Variants in SORBS2 observed in about 807,000 individuals in gnomAD.
SORBS2 encodes sorbin and SH3 domain containing 2.
A neutral mutation model predicts 97.7 loss-of-function variants in SORBS2; 46 were observed. The ratio of observed to expected loss-of-function variants is 0.47; its 90% CI spans 0.37 to 0.60. SORBS2 has a LOEUF of 0.60. SORBS2 is among the 20% of genes least tolerant of loss of function. SORBS2 has a pLI of 0.00. For synonymous variants in SORBS2, 476 were observed against 473.4 expected (o/e 1.01, Z -0.07); for missense variants, 1,316 against 1,282.3 (o/e 1.03, Z -0.40).
chr4:185,858,062 T>C (rs953061694), intron 1 of SORBS2, among the ~76,000 whole-genome samples: 1 of 152,150 alleles, frequency 6.6e-6, no homozygotes. Context: ...TAATAAAAAC[T>C]CGCTGGTTTT....
At chr4:185,641,324 G>A (rs1232447341) in intron 4 of SORBS2, among the ~76,000 whole-genome samples, 2 of 152,100 alleles carry the variant, frequency 1.3e-5, no homozygotes, top group East Asian at 1.9e-4. Flanking sequence ...GGTAATTATC[G>A]ATAACTTTGG....
At chr4:185,745,334 G>T (rs997673113) in intron 2 of SORBS2, among the ~76,000 whole-genome samples, 1 of 152,130 alleles carries the variant, frequency 6.6e-6, no homozygotes, top group Non-Finnish European at 1.5e-5. Flanking sequence ...AGATTCTCCC[G>T]CAAGTAAGGA....
At chr4:185,787,759 T>C (rs999358211) in intron 1 of SORBS2, among the ~76,000 whole-genome samples, 3 of 152,222 alleles carry the variant, frequency 2.0e-5, no homozygotes, top group African/African-American at 4.8e-5. Context: ...GTTTCCCGTA[T>C]TGTTCCTACC....
intron 1 of SORBS2, among the ~76,000 whole-genome samples, chr4:185,866,456 C>T (rs1330331765): frequency 6.6e-6 from 1 of 152,214 alleles, no homozygotes; most frequent in East Asian, 1.9e-4. Context: ...ATGCATATTG[C>T]ACTTAATGCA....
At chr4:185,861,876 C>A (rs10023215) in intron 1 of SORBS2, among the ~76,000 whole-genome samples, 1 of 152,118 alleles carries the variant, frequency 6.6e-6, no homozygotes, top group Admixed American at 6.6e-5. Flanking sequence ...GGATTACAGG[C>A]GTGAGCCACT....
rs555058619 is a variant in SORBS2, at chr4:185,606,075, G to T, written c.2796+5705C>A. On this transcript the variant is annotated intron_variant, in intron 12 of 14. Transcript: ENST00000418609. This position sits in a 1 kb window ranked among gnomAD's most constrained non-coding sequence, Gnocchi z 4.3. ...GCTGTTTTTCTTTTCTGTTGTCTTT[G>T]TTTATTATTAGCATTATTATTTTTG... 2.7e-5 allele frequency: 27 copies of T among 984,720 alleles called. No individual in the cohort carries two copies. Among genetic ancestry groups the T allele is most frequent in the Non-Finnish European group, 3.3e-5 (27 of 829,492 alleles). 61.0% of individuals were successfully genotyped at this position (984,720 alleles called of 1,614,324 possible).
chr4:185,913,464 G>A (rs949811863), intron 1 of SORBS2, among the ~76,000 whole-genome samples: 6 of 152,154 alleles, frequency 3.9e-5, no homozygotes, highest in East Asian at 1.9e-4. Flanking sequence ...TGATTCTTTC[G>A]AGACGAGTCT....
chr4:185,659,998 C>A (rs978691346), upstream of SORBS2, among the ~76,000 whole-genome samples: 3 of 152,156 alleles, frequency 2.0e-5, no homozygotes, highest in Non-Finnish European at 2.9e-5. Flanking sequence ...GTCATCTTAG[C>A]AATCTTTTGT....
chr4:185,849,771 C>T (rs1487325134), intron 1 of SORBS2, among the ~76,000 whole-genome samples: 1 of 152,172 alleles, frequency 6.6e-6, no homozygotes, highest in African/African-American at 2.4e-5. Context: ...GAGCTTATTC[C>T]ATCTGGTCCT....
intron 1 of SORBS2, among the ~76,000 whole-genome samples, chr4:185,847,386 C>T (rs1487953523): frequency 6.6e-6 from 1 of 152,158 alleles, no homozygotes; most frequent in Non-Finnish European, 1.5e-5. Flanking sequence ...CAAATTCTCA[C>T]TCTGCCCAGT....
At chr4:185,935,115 A>G (rs1380789826) in intron 1 of SORBS2, among the ~76,000 whole-genome samples, 1 of 152,236 alleles carries the variant, frequency 6.6e-6, no homozygotes, top group African/African-American at 2.4e-5. Flanking sequence ...GTTCTTAAGA[A>G]AAATCCAAAG....
intron 2 of SORBS2, among the ~76,000 whole-genome samples, chr4:185,755,901 A>G (rs1405778766): frequency 6.6e-6 from 1 of 152,264 alleles, no homozygotes; most frequent in African/African-American, 2.4e-5. Context: ...ATTAGAAGAA[A>G]AAAATGTAAC....
chr4:185,844,562 C>A (rs1338957581), intron 1 of SORBS2, among the ~76,000 whole-genome samples: 1 of 152,086 alleles, frequency 6.6e-6, no homozygotes. Flanking sequence ...TTCATGATTC[C>A]ACAATAAATT....
chr4:185,824,102 G>A (rs1458019417), intron 1 of SORBS2, among the ~76,000 whole-genome samples: 3 of 152,134 alleles, frequency 2.0e-5, no homozygotes, highest in African/African-American at 4.8e-5. Context: ...ACCCCAAACC[G>A]GGTGGCTTCA....
chr4:185,589,774 A>G (rs773722074), exon 14 of SORBS2: 1 of 1,597,394 alleles, frequency 6.3e-7, no homozygotes. Context: ...ATAGTTATAC[A>G]GAGCCTGAAA....
intron 2 of SORBS2, among the ~76,000 whole-genome samples, chr4:185,737,574 A>G (rs1327349851): frequency 1.3e-5 from 2 of 152,098 alleles, no homozygotes; most frequent in African/African-American, 4.8e-5. Context: ...GACCCATGAG[A>G]GCTCGGAGAC....
chr4:185,637,289 T>C (rs1439098259), intron 4 of SORBS2, among the ~76,000 whole-genome samples: 1 of 152,164 alleles, frequency 6.6e-6, no homozygotes, highest in Non-Finnish European at 1.5e-5. Context: ...CAGTATGGAG[T>C]GCAGGAACCT....
chr4:185,789,446 T>A (rs1021590053), intron 1 of SORBS2, among the ~76,000 whole-genome samples: 3 of 151,642 alleles, frequency 2.0e-5, no homozygotes, highest in African/African-American at 7.3e-5. Context: ...TAGCAAAGTA[T>A]AATTTATGAA....
At chr4:185,629,658 G>A (rs2096874911) in intron 5 of SORBS2, among the ~76,000 whole-genome samples, 1 of 150,702 alleles carries the variant, frequency 6.6e-6, no homozygotes, top group Admixed American at 6.6e-5. Context: ...ACCCTCCCAG[G>A]CTCAAGCGAT....
Sources: allele counts gnomAD v4.1 joint callset (sites outside exome capture counted in the v4.1 genomes callset), GRCh38; gene constraint gnomAD v4.1.1; non-coding constraint Gnocchi (gnomAD v3.1); transcripts MANE v1.5; gene names NCBI Gene and HGNC (gene_info 2026-07-23, HGNC 2026-07-21).